NBAS: variants seen among roughly 807,000 people sequenced by gnomAD.
NBAS encodes NBAS subunit of NRZ tethering complex, also known as NAG/BC035112 fusion.
A neutral mutation model predicts 302.5 loss-of-function variants in NBAS; 219 were observed. The ratio of observed to expected loss-of-function variants is 0.72; its 90% CI spans 0.65 to 0.81. NBAS has a LOEUF of 0.81. Among genes scored for constraint, NBAS ranks in the 30% least tolerant of loss-of-function variants. NBAS has a pLI of 0.00. For missense variants in NBAS, 2,932 were observed against 2,841.6 expected, an observed-to-expected ratio of 1.03 and a Z score of -0.72; for synonymous variants, 1,118 against 1,021.6, an observed-to-expected ratio of 1.09 and a Z score of -1.80.
the NBAS span, among the ~76,000 whole-genome samples, chr2:15,109,616 CA>C: frequency 1.3e-5 from 2 of 152,110 alleles, no homozygotes; most frequent in African/African-American, 4.8e-5. Flanking sequence ...CCGGCACAGT[CA>C]GGGGGTGGTG....
chr2:14,999,490 T>C, the NBAS span, among the ~76,000 whole-genome samples: 1 of 152,248 alleles, frequency 6.6e-6, no homozygotes, highest in African/African-American at 2.4e-5. Context: ...TTCCCCCTTG[T>C]TGTTCTGGTG....
At chr2:15,213,887 G>C (rs1666535515) in intron 48 of NBAS, among the ~76,000 whole-genome samples, 1 of 152,158 alleles carries the variant, frequency 6.6e-6, no homozygotes, top group Non-Finnish European at 1.5e-5. Flanking sequence ...TAGGAAAAAA[G>C]ACACAAGGAG....
chr2:15,034,288 GAAAGAAAGAA>G, the NBAS span, among the ~76,000 whole-genome samples: 15 of 98,642 alleles, frequency 1.5e-4, no homozygotes, highest in Non-Finnish European at 2.5e-4. Flanking sequence ...GAGAAAGAAA[GAAAGAAAGAA>G]AGAAAGATGG....
chr2:14,943,342 G>A, the NBAS span, among the ~76,000 whole-genome samples: 3 of 152,188 alleles, frequency 2.0e-5, no homozygotes, highest in African/African-American at 7.2e-5. Context: ...CCAATTTCAT[G>A]TATATTTTCA....
intron 23 of NBAS, among the ~76,000 whole-genome samples, chr2:15,419,610 A>AT (rs1677113668): frequency 2.0e-5 from 3 of 152,140 alleles, no homozygotes; most frequent in Middle Eastern, 3.4e-3. Flanking sequence ...TATATTGACC[A>AT]TGTTGCTTGT....
intron 40 of NBAS, among the ~76,000 whole-genome samples, chr2:15,307,263 C>T (rs1012054349): frequency 9.9e-5 from 15 of 152,184 alleles, no homozygotes; most frequent in African/African-American, 3.6e-4. Context: ...AGAGTGACTG[C>T]ATTATCTGAG....
intron 21 of NBAS, among the ~76,000 whole-genome samples, chr2:15,439,674 C>T (rs1183735126): frequency 1.3e-5 from 2 of 152,106 alleles, no homozygotes; most frequent in South Asian, 2.1e-4. Flanking sequence ...GGGTGCAGCG[C>T]GCCGTGCACA....
chr2:15,383,817 CGCGGCTCACCAGCAGGGCAGCATCAGTT>C (rs1180125810), intron 28 of NBAS, among the ~76,000 whole-genome samples: 2 of 152,132 alleles, frequency 1.3e-5, no homozygotes, highest in South Asian at 2.1e-4. Flanking sequence ...GGACAAGAAT[CGCGGCTCACCAGCAGGGCAGCATCAGTT>C]GCTTCTTACA....
chr2:15,093,894 C>A, the NBAS span, among the ~76,000 whole-genome samples: 1 of 151,956 alleles, frequency 6.6e-6, no homozygotes, highest in African/African-American at 2.4e-5. Context: ...ATACACTGCT[C>A]CTATAATACA....
intron 47 of NBAS, 54 bp from the exon 48 acceptor site, chr2:15,219,022 C>A: frequency 6.3e-7 from 1 of 1,596,032 alleles, no homozygotes; most frequent in South Asian, 1.1e-5. Flanking sequence ...TTATTTTCCC[C>A]CTTCCGGTAA....
chr2:15,036,921 C>T, the NBAS span, among the ~76,000 whole-genome samples: 1 of 151,990 alleles, frequency 6.6e-6, no homozygotes, highest in Admixed American at 6.5e-5. Context: ...TAGGGGATAC[C>T]CTGCAGGTTA....
chr2:15,534,459 A>G (rs1054762997), intron 9 of NBAS, 84 bp downstream of exon 9: 15 of 1,002,030 alleles, frequency 1.5e-5, no homozygotes, highest in Admixed American at 3.4e-5. Flanking sequence ...AGAAGTCAAC[A>G]TAAGAATCAG....
At chr2:15,010,098 C>T in the NBAS span, among the ~76,000 whole-genome samples, 1 of 152,188 alleles carries the variant, frequency 6.6e-6, no homozygotes, top group African/African-American at 2.4e-5. Flanking sequence ...GAACAAATGG[C>T]TCTGGAAGAG....
the NBAS span, among the ~76,000 whole-genome samples, chr2:14,921,224 A>G: frequency 2.0e-5 from 3 of 152,188 alleles, no homozygotes; most frequent in African/African-American, 7.2e-5. Context: ...TACATGGAGC[A>G]GTCAGAACAC....
intron 1 of NBAS, among the ~76,000 whole-genome samples, chr2:15,559,337 T>G (rs760292519): frequency 2.0e-5 from 3 of 152,192 alleles, no homozygotes; most frequent in Non-Finnish European, 4.4e-5. Flanking sequence ...TCATTGACTA[T>G]CTGTTGTGTA....
At chr2:15,092,725 C>G in the NBAS span, among the ~76,000 whole-genome samples, 2 of 152,190 alleles carry the variant, frequency 1.3e-5, no homozygotes, top group Non-Finnish European at 2.9e-5. Flanking sequence ...GAACTAAAAA[C>G]ATAATCTGCT....
At chr2:15,178,023 A>C in intron 51 of NBAS, 1 of 367,498 alleles carries the variant, frequency 2.7e-6, no homozygotes, top group Non-Finnish European at 5.6e-6. Context: ...CTATTTACAG[A>C]ATTTTCTGTA....
the NBAS span, among the ~76,000 whole-genome samples, chr2:14,903,084 A>C: frequency 1.3e-5 from 2 of 152,320 alleles, no homozygotes; most frequent in East Asian, 3.9e-4. Context: ...ATGAAAAAAT[A>C]AGAGAACAAA....
At chr2:14,835,446 C>T in the NBAS span, among the ~76,000 whole-genome samples, 1 of 151,906 alleles carries the variant, frequency 6.6e-6, no homozygotes, top group Non-Finnish European at 1.5e-5. Context: ...TAGTCACCTG[C>T]CTAATGACAA....
Sources: allele counts gnomAD v4.1 joint callset (sites outside exome capture counted in the v4.1 genomes callset), GRCh38; gene constraint gnomAD v4.1.1; transcripts MANE v1.5; gene names NCBI Gene and HGNC (gene_info 2026-07-23, HGNC 2026-07-21).